KIRREL3: variants seen among roughly 807,000 people sequenced by gnomAD.
KIRREL3 encodes kin of IRRE-like protein 3.
In KIRREL3, 36 loss-of-function variants were observed where a neutral mutation model predicts 89.7. That is an observed-to-expected ratio of 0.40 (90% confidence interval 0.31 to 0.53). The LOEUF is 0.53. KIRREL3 is among the 20% of genes least tolerant of loss of function. The pLI is 0.49. For missense variants in KIRREL3, 864 were observed against 1,056.6 expected (o/e 0.82, Z 2.53); for synonymous variants, 445 against 441.4 (o/e 1.01, Z -0.10).
At chr11:126,775,581 C>A (rs1950147119) in intron 1 of KIRREL3, among the ~76,000 whole-genome samples, 1 of 152,170 alleles carries the variant, frequency 6.6e-6, no homozygotes, top group African/African-American at 2.4e-5. Flanking sequence ...CAGTTCAGGG[C>A]CTGCCTGACT....
In KIRREL3 at chr11:126,892,353, A is replaced by G. The variant is rs964852786; in HGVS notation, c.55+108102T>C. ...ACCCACCGTGGAAGCAGAACTCCCA[A>G]CTGTCTTTCTCACTGCTTGTGGTTT... On this transcript the variant is annotated intron_variant, in intron 1 of 16. Transcript: ENST00000525144. The surrounding 1 kb of genome is among the most constrained non-coding windows in gnomAD (Gnocchi z 5.4). 3.9e-5 allele frequency among the ~76,000 whole-genome samples: 6 copies of G among 152,012 alleles called. No individual in the cohort carries two copies. Among genetic ancestry groups the G allele is most frequent in the Non-Finnish European group, 8.8e-5 (6 of 68,014 alleles).
Position 126,431,032 on chromosome 11 carries a change from C to T in KIRREL3, c.1696+387G>A. ...TGCTTTTCTGGTGAGACTAGCAGCT[C>T]TTTATTTTTATTTTGTTGTAGAGAT... On this transcript the variant is annotated intron_variant, in intron 14 of 16. Transcript: ENST00000525144. This position sits in a 1 kb window ranked among gnomAD's most constrained non-coding sequence, Gnocchi z 7.1. The T allele has an allele frequency of 8.3e-7, 1 of 1,206,222 alleles. No homozygotes were observed. The highest frequency in any genetic ancestry group is 3.2e-5 in the South Asian group (1 of 31,584). The allele number at this position is 1,206,222 out of a possible 1,614,324, so 74.7% of individuals were successfully genotyped here. A position where few individuals can be genotyped will look rare whatever the true frequency, so the allele number is the denominator to read the frequency against.
rs1957051346 is a variant in KIRREL3, at chr11:126,475,962, A to G, written c.434-2496T>C. ...CCATGAGCTAGCTGAGGGCCTGGAA[A>G]AAGAGCCACGTGGAGCCCTGGGGAC... On this transcript the variant is annotated intron_variant, in intron 4 of 16. Transcript: ENST00000525144. The surrounding 1 kb of genome is among the most constrained non-coding windows in gnomAD (Gnocchi z 7.5). Among the ~76,000 whole-genome samples the G allele has an allele frequency of 6.6e-6, 1 of 152,206 alleles. No homozygotes were observed. The highest frequency in any genetic ancestry group is 2.4e-5 in the African/African-American group (1 of 41,460).
intron 1 of KIRREL3, among the ~76,000 whole-genome samples, chr11:126,798,067 T>G (rs1355844495): frequency 6.6e-6 from 1 of 152,112 alleles, no homozygotes; most frequent in African/African-American, 2.4e-5. Context: ...GTGGAAGTGA[T>G]GGCTCATTGC....
rs1237110654 is a variant in KIRREL3 at position 126,606,109 on chromosome 11, C to T, written c.56-43197G>A. ...TCTTCAGTAAAATGGAGCTAATAAT[C>T]ATATTTGCTTCATAGAGCCTGTTTC... On this transcript the variant is annotated intron_variant, in intron 1 of 16. Coordinates refer to ENST00000525144, the MANE Select transcript of KIRREL3 (RefSeq NM_032531.4). The surrounding 1 kb of genome is among the most constrained non-coding windows in gnomAD (Gnocchi z 4.6). Among the ~76,000 whole-genome samples, 1 of 152,226 alleles carries T rather than the reference C, an allele frequency of 6.6e-6. No homozygotes were observed. Among genetic ancestry groups the T allele is most frequent in the Non-Finnish European group, 1.5e-5 (1 of 68,048 alleles).
chr11:126,956,632 C>T (rs1591380558), intron 1 of KIRREL3, among the ~76,000 whole-genome samples: 4 of 152,106 alleles, frequency 2.6e-5, no homozygotes, highest in South Asian at 4.1e-4. Context: ...GATTATCAAT[C>T]GCATTTTCTT....
Position 126,993,968 on chromosome 11 carries a change from T to C in KIRREL3, c.55+6487A>G, listed in dbSNP as rs1238773239. Among the ~76,000 whole-genome samples the C allele has an allele frequency of 2.6e-5, 4 of 152,116 alleles. No homozygotes were observed. The highest frequency in any genetic ancestry group is 4.8e-5 in the African/African-American group (2 of 41,414). The stretch of plus-strand genomic sequence containing the variant: ...GAATACAGGCCAAGTGAGCAGACCA[T>C]CTAGATAATTCAGCATGATGCGCAC... On this transcript the variant is annotated intron_variant, in intron 1 of 16. Transcript: ENST00000525144. The surrounding 1 kb of genome is among the most constrained non-coding windows in gnomAD (Gnocchi z 6.1).
chr11:126,795,968 G>A lies in KIRREL3; in HGVS notation c.55+204487C>T, dbSNP rs189523857. Reference sequence around the variant, plus strand: ...TCAGAAATGAGAGTACATTTTTCACGTTGAGCTAGTACCTTGTCTGCTTAT... The same window carrying A: ...TCAGAAATGAGAGTACATTTTTCACATTGAGCTAGTACCTTGTCTGCTTAT... On this transcript the variant is annotated intron_variant, in intron 1 of 16. Transcript: ENST00000525144. This position sits in a 1 kb window ranked among gnomAD's most constrained non-coding sequence, Gnocchi z 4.1. 1.1e-4 allele frequency among the ~76,000 whole-genome samples: 16 copies of A among 152,152 alleles called. No individual in the cohort carries two copies. Among genetic ancestry groups the A allele is most frequent in the Admixed American group, 5.2e-4 (8 of 15,280 alleles).
intron 1 of KIRREL3, among the ~76,000 whole-genome samples, chr11:126,831,123 A>G (rs1199389717): frequency 6.6e-6 from 1 of 152,186 alleles, no homozygotes; most frequent in Non-Finnish European, 1.5e-5. Flanking sequence ...CTGCACCTAT[A>G]AAACAGGGAC....
At position 126,544,244 on chromosome 11, in the gene KIRREL3, G is replaced by A. The variant is rs1001523914; in HGVS notation, c.134-17557C>T. 1 of 152,182 alleles carries A rather than the reference G, an allele frequency of 6.6e-6. No individual in the cohort carries two copies. Among genetic ancestry groups the A allele is most frequent in the Non-Finnish European group, 1.5e-5 (1 of 68,048 alleles). 9.4% of individuals were successfully genotyped at this position (152,182 alleles called of 1,614,324 possible). On this transcript the variant is annotated intron_variant, in intron 2 of 16. Transcript: ENST00000525144. This position sits in a 1 kb window ranked among gnomAD's most constrained non-coding sequence, Gnocchi z 5.6. ...TCTGTAATTAGTTACTGTATATCAC[G>A]GTTAGTACTCTGCTCAGAATTTACG...
At chr11:126,866,605 G>A (rs1219136588) in intron 1 of KIRREL3, among the ~76,000 whole-genome samples, 1 of 151,738 alleles carries the variant, frequency 6.6e-6, no homozygotes, top group Non-Finnish European at 1.5e-5. Flanking sequence ...CACGCCCAAA[G>A]GTTGCATTTT....
In KIRREL3 at chr11:126,525,309, G is replaced by A. The variant is rs1190446436; in HGVS notation, c.283+1229C>T. 6.6e-6 allele frequency among the ~76,000 whole-genome samples: 1 copy of A among 152,188 alleles called. No homozygotes were observed. The highest frequency in any genetic ancestry group is 2.4e-5 in the African/African-American group (1 of 41,448). On this transcript the variant is annotated intron_variant, in intron 3 of 16. Transcript: ENST00000525144. The surrounding 1 kb of genome is among the most constrained non-coding windows in gnomAD (Gnocchi z 5.4). ...TGCATGAACTATTCTAGTTTGGGAAGGTTGTATCATTCCTGGAGTTTCTCT... is the reference window on the plus strand; with the variant it reads ...TGCATGAACTATTCTAGTTTGGGAAAGTTGTATCATTCCTGGAGTTTCTCT...
In KIRREL3 at chr11:126,578,908, A is replaced by G. The variant is rs1941395811; in HGVS notation, c.56-15996T>C. Among the ~76,000 whole-genome samples the G allele has an allele frequency of 6.6e-6, 1 of 151,862 alleles. No homozygotes were observed. Among genetic ancestry groups the G allele is most frequent in the African/African-American group, 2.4e-5 (1 of 41,302 alleles). On this transcript the variant is annotated intron_variant, in intron 1 of 16. Transcript: ENST00000525144. The surrounding 1 kb of genome is among the most constrained non-coding windows in gnomAD (Gnocchi z 4.9). The stretch of plus-strand genomic sequence containing the variant: ...CTACCCTGCAAAATACTTTTCACAC[A>G]CTCTCTCACTTATCCTCACCATGCC...
intron 1 of KIRREL3, among the ~76,000 whole-genome samples, chr11:126,692,364 G>A (rs941994685): frequency 5.3e-5 from 8 of 151,848 alleles, no homozygotes; most frequent in Admixed American, 2.0e-4. Flanking sequence ...GGCCAACATG[G>A]AGAAACCCTG....
chr11:126,501,491 T>C lies in KIRREL3; in HGVS notation c.433+19824A>G, dbSNP rs1957862123. The stretch of plus-strand genomic sequence containing the variant: ...AGATTCTACCGCAGCCCGTCCTGGG[T>C]CCTGTTGATGTGCTACACATTGCAG... On this transcript the variant is annotated intron_variant, in intron 4 of 16. Coordinates refer to ENST00000525144, the MANE Select transcript of KIRREL3 (RefSeq NM_032531.4). This position sits in a 1 kb window ranked among gnomAD's most constrained non-coding sequence, Gnocchi z 5.8. Among the ~76,000 whole-genome samples, 1 of 152,106 alleles carries C rather than the reference T, an allele frequency of 6.6e-6. No individual in the cohort carries two copies. Among genetic ancestry groups the C allele is most frequent in the Non-Finnish European group, 1.5e-5 (1 of 67,996 alleles).
In KIRREL3 at chr11:126,943,944, G is replaced by A. The variant is rs1419155077; in HGVS notation, c.55+56511C>T. ...GGACATACCAAAATATGTCACCTTG[G>A]CATTTGACAAAACAGCAGAGGCAGG... is the stretch of plus-strand genomic sequence containing the variant. On this transcript the variant is annotated intron_variant, in intron 1 of 16. Coordinates refer to ENST00000525144, the MANE Select transcript of KIRREL3 (RefSeq NM_032531.4). The surrounding 1 kb of genome is among the most constrained non-coding windows in gnomAD (Gnocchi z 4.2). 6.6e-6 allele frequency among the ~76,000 whole-genome samples: 1 copy of A among 152,112 alleles called. No individual in the cohort carries two copies. Among genetic ancestry groups the A allele is most frequent in the Admixed American group, 6.5e-5 (1 of 15,276 alleles).
At chr11:126,873,596 T>A (rs1945178414) in intron 1 of KIRREL3, among the ~76,000 whole-genome samples, 1 of 152,212 alleles carries the variant, frequency 6.6e-6, no homozygotes, top group South Asian at 2.1e-4. Flanking sequence ...TTTATATAAT[T>A]ACTAGCTCAT....
intron 1 of KIRREL3, among the ~76,000 whole-genome samples, chr11:126,741,652 C>T (rs751803349): frequency 2.0e-5 from 3 of 152,176 alleles, no homozygotes; most frequent in African/African-American, 4.8e-5. Context: ...AAGGGATATT[C>T]GGCAACAAAT....
At chr11:126,793,535 G>A (rs1043838341) in intron 1 of KIRREL3, among the ~76,000 whole-genome samples, 1 of 152,198 alleles carries the variant, frequency 6.6e-6, no homozygotes, top group African/African-American at 2.4e-5. Flanking sequence ...AGTTCCTGCA[G>A]AAGGTGCATG....
Sources: allele counts gnomAD v4.1 joint callset (sites outside exome capture counted in the v4.1 genomes callset), GRCh38; gene constraint gnomAD v4.1.1; non-coding constraint Gnocchi (gnomAD v3.1); transcripts MANE v1.5; gene names NCBI Gene and HGNC (gene_info 2026-07-23, HGNC 2026-07-21).